MGLL: variants seen among roughly 807,000 people sequenced by gnomAD.
MGLL encodes the protein monoglyceride lipase.
MGLL carries 7 observed loss-of-function variants against 29.1 expected under a neutral mutation model. The ratio of observed to expected loss-of-function variants is 0.24; its 90% CI spans 0.14 to 0.45. The LOEUF is 0.45. Among genes scored for constraint, MGLL ranks in the 20% least tolerant of loss-of-function variants. The probability of loss-of-function intolerance (pLI) is 0.99; values close to 1 mark genes in which losing one functional copy is unlikely to be tolerated. For synonymous variants in MGLL, 148 were observed against 168.3 expected, an observed-to-expected ratio of 0.88 and a Z score of 0.93; for missense variants, 356 against 413.6, an observed-to-expected ratio of 0.86 and a Z score of 1.21.
intron 6 of MGLL, among the ~76,000 whole-genome samples, chr3:127,701,129 T>C (rs2075472501): frequency 7.1e-6 from 1 of 139,952 alleles, no homozygotes; most frequent in Non-Finnish European, 1.5e-5. Context: ...GTGGGAGGAT[T>C]GCTTGGGCCC....
Position 127,711,126 on chromosome 3 carries a change from T to C in MGLL, c.511-461A>G, listed in dbSNP as rs147482968. ...AGGAGCCACACAGAGAAAGTGTGCG[T>C]CCATTTCTCTCGGGTGGAAGTAGAA... On this transcript the variant is annotated intron_variant, in intron 5 of 7. Transcript: ENST00000265052. 613 of 204,252 alleles carry C rather than the reference T, an allele frequency of 3.0e-3. 2 individuals carry two copies. The highest frequency in any genetic ancestry group is 4.9e-3 in the Non-Finnish European group (475 of 96,162). 12.7% of individuals were successfully genotyped at this position (204,252 alleles called of 1,614,324 possible). A position where few individuals can be genotyped will look rare whatever the true frequency, so the allele number is the denominator to read the frequency against.
chr3:127,772,513 AC>A, intron 3 of MGLL, among the ~76,000 whole-genome samples: 1 of 152,312 alleles, frequency 6.6e-6, no homozygotes, highest in East Asian at 1.9e-4. Context: ...CCTGCACACT[AC>A]CGCATGCAAA....
intron 3 of MGLL, among the ~76,000 whole-genome samples, chr3:127,772,322 C>T (rs975073723): frequency 3.3e-5 from 5 of 152,216 alleles, no homozygotes; most frequent in Non-Finnish European, 7.3e-5. Context: ...TAGTTCACTT[C>T]TGACAGCACC....
chr3:127,797,959 T>C (rs550843102), intron 2 of MGLL, among the ~76,000 whole-genome samples: 1 of 152,172 alleles, frequency 6.6e-6, no homozygotes, highest in Non-Finnish European at 1.5e-5. Context: ...CTCCAGTGTA[T>C]CTCTAACCTT....
chr3:127,730,488 T>C (rs1226074709), intron 3 of MGLL, among the ~76,000 whole-genome samples: 1 of 152,150 alleles, frequency 6.6e-6, no homozygotes, highest in African/African-American at 2.4e-5. Flanking sequence ...CTCCTTGAGG[T>C]CCTCACCCTG....
At chr3:127,783,143 CAAAAAAAAAAAAAAA>C (rs72041528) in intron 2 of MGLL, among the ~76,000 whole-genome samples, 1 of 63,930 alleles carries the variant, frequency 1.6e-5, no homozygotes, top group South Asian at 1.0e-3. Context: ...GACTCTGTCT[CAAAAAAAAAAAAAAA>C]AAAAAAAAAA....
intron 2 of MGLL, among the ~76,000 whole-genome samples, chr3:127,782,878 A>G (rs1177727942): frequency 6.6e-6 from 1 of 152,166 alleles, no homozygotes; most frequent in Non-Finnish European, 1.5e-5. Context: ...TACAGATGAG[A>G]GTGAAATGCA....
At chr3:127,710,890 GC>G in intron 5 of MGLL, 3 of 550,872 alleles carry the variant, frequency 5.4e-6, no homozygotes, top group Non-Finnish European at 9.8e-6. Flanking sequence ...AGCTGGCCAG[GC>G]AGCCGCTGCG....
chr3:127,793,233 G>T (rs530951219), intron 2 of MGLL, among the ~76,000 whole-genome samples: 1 of 152,344 alleles, frequency 6.6e-6, no homozygotes, highest in East Asian at 1.9e-4. Context: ...CCACATTCGG[G>T]TCTCACTCTG....
At chr3:127,807,897 G>T (rs2077596356) in intron 2 of MGLL, among the ~76,000 whole-genome samples, 1 of 151,550 alleles carries the variant, frequency 6.6e-6, no homozygotes, top group African/African-American at 2.4e-5. Context: ...GAGTAGCTGG[G>T]ACTACAGGTG....
intron 5 of MGLL, among the ~76,000 whole-genome samples, chr3:127,715,170 C>A (rs901700475): frequency 6.6e-5 from 10 of 152,174 alleles, no homozygotes; most frequent in African/African-American, 2.2e-4. Context: ...CAAAGTGGGG[C>A]CCTGGCATCA....
intron 3 of MGLL, among the ~76,000 whole-genome samples, chr3:127,768,984 A>C (rs534527363): frequency 6.6e-6 from 1 of 152,292 alleles, no homozygotes; most frequent in East Asian, 1.9e-4. Flanking sequence ...TACCATACTC[A>C]CAGCCCTCAT....
chr3:127,804,963 A>T (rs1559981709), intron 2 of MGLL, among the ~76,000 whole-genome samples: 1 of 152,202 alleles, frequency 6.6e-6, no homozygotes, highest in Non-Finnish European at 1.5e-5. Flanking sequence ...TCTTGGAGAG[A>T]CGGCCATTCT....
chr3:127,745,072 C>T (rs2076416797), intron 3 of MGLL, among the ~76,000 whole-genome samples: 1 of 152,230 alleles, frequency 6.6e-6, no homozygotes, highest in Admixed American at 6.5e-5. Flanking sequence ...GTACAGACCA[C>T]AGCTGCTACG....
intron 2 of MGLL, among the ~76,000 whole-genome samples, chr3:127,789,345 A>AT (rs1386819768): frequency 6.6e-6 from 1 of 152,174 alleles, no homozygotes; most frequent in Non-Finnish European, 1.5e-5. Context: ...AAAATTTGAG[A>AT]TTTGGGAACA....
chr3:127,794,058 C>T (rs1417003844), intron 2 of MGLL, among the ~76,000 whole-genome samples: 15 of 151,906 alleles, frequency 9.9e-5, no homozygotes. Flanking sequence ...GCCTGTAATC[C>T]CAGCCCTCCA....
intron 2 of MGLL, among the ~76,000 whole-genome samples, chr3:127,807,017 T>C (rs1438522636): frequency 6.6e-6 from 1 of 152,262 alleles, no homozygotes; most frequent in Non-Finnish European, 1.5e-5. Context: ...TTAGAATAAG[T>C]TGGGAAGTGT....
chr3:127,807,879 A>G (rs574519016), intron 2 of MGLL, among the ~76,000 whole-genome samples: 27 of 145,482 alleles, frequency 1.9e-4, no homozygotes, highest in African/African-American at 6.9e-4. Flanking sequence ...CTCCTGCCTC[A>G]GCCTCCTGAG....
chr3:127,793,550 A>G (rs1192167675), intron 2 of MGLL, among the ~76,000 whole-genome samples: 10 of 152,086 alleles, frequency 6.6e-5, no homozygotes, highest in African/African-American at 1.9e-4. Context: ...GTCTTATTTT[A>G]TAGATGCCAA....
Sources: allele counts gnomAD v4.1 joint callset (sites outside exome capture counted in the v4.1 genomes callset), GRCh38; gene constraint gnomAD v4.1.1; transcripts MANE v1.5; gene names NCBI Gene and HGNC (gene_info 2026-07-23, HGNC 2026-07-21).